The following ERBB4 variants were observed in gnomAD, a reference collection of about 807,000 sequenced individuals.
The protein encoded by ERBB4 is erb-b2 receptor tyrosine kinase 4, also known as receptor tyrosine-protein kinase erbB-4.
A neutral mutation model predicts 158.0 loss-of-function variants in ERBB4; 42 were observed. That is an observed-to-expected ratio of 0.27 (90% confidence interval 0.21 to 0.34). ERBB4 has a LOEUF of 0.34. Ranked by LOEUF, ERBB4 falls within the 10% of genes least tolerant of loss-of-function variation. The pLI is 1.00. For synonymous variants in ERBB4, 583 were observed against 558.7 expected (o/e 1.04, Z -0.61); for missense variants, 1,333 against 1,624.1 (o/e 0.82, Z 3.08).
chr2:211,936,843 CA>C (rs2080337724), intron 3 of ERBB4, among the ~76,000 whole-genome samples: 1 of 151,912 alleles, frequency 6.6e-6, no homozygotes, highest in Admixed American at 6.5e-5. Flanking sequence ...TTTATTATGC[CA>C]AAAAGTGTTG....
intron 3 of ERBB4, among the ~76,000 whole-genome samples, chr2:211,793,172 A>T (rs1394007783): frequency 6.6e-6 from 1 of 151,886 alleles, no homozygotes; most frequent in South Asian, 2.1e-4. Context: ...CAAAATAAAG[A>T]TTATAATTTT....
At chr2:212,450,514 A>T (rs1025705682) in intron 1 of ERBB4, among the ~76,000 whole-genome samples, 1 of 152,206 alleles carries the variant, frequency 6.6e-6, no homozygotes, top group Non-Finnish European at 1.5e-5. Context: ...GATAGGCACC[A>T]GAAGCTGAAA....
At chr2:211,998,529 C>CAAAAAAA (rs36008694) in intron 2 of ERBB4, among the ~76,000 whole-genome samples, 1 of 116,316 alleles carries the variant, frequency 8.6e-6, no homozygotes. Flanking sequence ...CTCATACTGC[C>CAAAAAAA]AAAAAAAAAA....
At chr2:211,861,124 T>TTATATATATATATTTTATATA (rs1229268256) in intron 3 of ERBB4, among the ~76,000 whole-genome samples, 18 of 20,260 alleles carry the variant, frequency 8.9e-4, no homozygotes, top group African/African-American at 2.3e-3. Flanking sequence ...TATATATATT[T>TTATATATATATATTTTATATA]TATATATATA....
chr2:211,832,622 A>AC, intron 3 of ERBB4, among the ~76,000 whole-genome samples: 1 of 150,658 alleles, frequency 6.6e-6, no homozygotes, highest in Non-Finnish European at 1.5e-5. Flanking sequence ...ATATATATAC[A>AC]TATATATACA....
At chr2:212,010,040 C>T (rs2076347856) in intron 2 of ERBB4, among the ~76,000 whole-genome samples, 1 of 152,152 alleles carries the variant, frequency 6.6e-6, no homozygotes. Context: ...GCAAATTTTA[C>T]CAGCTTTGGA....
chr2:212,169,460 G>T (rs930432678), intron 1 of ERBB4, among the ~76,000 whole-genome samples: 3 of 152,126 alleles, frequency 2.0e-5, no homozygotes, highest in African/African-American at 7.2e-5. Flanking sequence ...CTAGCCATAT[G>T]CAGAAAATCG....
At chr2:211,789,681 A>T (rs954154345) in intron 3 of ERBB4, among the ~76,000 whole-genome samples, 1 of 152,116 alleles carries the variant, frequency 6.6e-6, no homozygotes, top group African/African-American at 2.4e-5. Context: ...AAGAAGAGGG[A>T]CATGGATATT....
intron 3 of ERBB4, among the ~76,000 whole-genome samples, chr2:211,807,005 A>G (rs2076633864): frequency 6.6e-6 from 1 of 152,154 alleles, no homozygotes; most frequent in Non-Finnish European, 1.5e-5. Context: ...GTCAAGATTG[A>G]TAATATATTC....
At chr2:212,437,129 G>A (rs76926413) in intron 1 of ERBB4, among the ~76,000 whole-genome samples, 1,721 of 152,112 alleles carry the variant, frequency 0.011, 13 homozygotes, top group Middle Eastern at 0.034. Flanking sequence ...CAAATGTAAG[G>A]TAAAAGAACA....
chr2:211,863,506 C>T (rs1016140317), intron 3 of ERBB4, among the ~76,000 whole-genome samples: 13 of 152,256 alleles, frequency 8.5e-5, no homozygotes, highest in Admixed American at 5.2e-4. Context: ...CAGGGGTCTG[C>T]GGCTTCATTC....
intron 3 of ERBB4, among the ~76,000 whole-genome samples, chr2:211,805,510 A>C (rs1315160902): frequency 6.6e-6 from 1 of 152,210 alleles, no homozygotes; most frequent in Non-Finnish European, 1.5e-5. Context: ...TATTTTACCT[A>C]TGTATTACTT....
chr2:211,824,485 T>A (rs1016142888), intron 3 of ERBB4, among the ~76,000 whole-genome samples: 16 of 152,152 alleles, frequency 1.1e-4, no homozygotes, highest in African/African-American at 3.1e-4. Flanking sequence ...TATAATGTGA[T>A]CTGTCCTGCA....
At position 211,780,728 on chromosome 2, in the gene ERBB4, A is replaced by C. The variant is rs555043820; in HGVS notation, c.556+7297T>G. ...AGTTCTCTTTGCTAATATTTTATTCAGAAAAATTGCATCTGAATTCATAAG... is the reference window on the plus strand; with the variant it reads ...AGTTCTCTTTGCTAATATTTTATTCCGAAAAATTGCATCTGAATTCATAAG... On this transcript the variant is annotated intron_variant, in intron 4 of 27. Coordinates refer to ENST00000342788, the MANE Select transcript of ERBB4 (RefSeq NM_005235.3). 2.6e-5 allele frequency among the ~76,000 whole-genome samples: 4 copies of C among 152,342 alleles called. No homozygotes were observed. In the East Asian group the frequency reaches 7.7e-4, roughly 29 times the overall value.
chr2:212,243,509 G>A (rs2084194050), intron 1 of ERBB4, among the ~76,000 whole-genome samples: 1 of 152,056 alleles, frequency 6.6e-6, no homozygotes, highest in African/African-American at 2.4e-5. Context: ...CAGCATCACT[G>A]CACAAAAGAT....
chr2:211,530,534 T>C (rs1403615713), intron 20 of ERBB4, among the ~76,000 whole-genome samples: 1 of 152,070 alleles, frequency 6.6e-6, no homozygotes, highest in Non-Finnish European at 1.5e-5. Flanking sequence ...AGACCCAGAA[T>C]AGCCATAGCT....
intron 1 of ERBB4, among the ~76,000 whole-genome samples, chr2:212,173,305 A>T (rs1483163814): frequency 2.0e-5 from 3 of 152,136 alleles, no homozygotes; most frequent in African/African-American, 4.8e-5. Context: ...GATAAGGTAT[A>T]CAGGTGACTA....
intron 20 of ERBB4, among the ~76,000 whole-genome samples, chr2:211,536,283 C>A (rs925172519): frequency 6.6e-6 from 1 of 152,094 alleles, no homozygotes; most frequent in African/African-American, 2.4e-5. Context: ...CATTTGTTTA[C>A]CATGTCTGAA....
intron 1 of ERBB4, among the ~76,000 whole-genome samples, chr2:212,240,581 C>G (rs1008371647): frequency 7.6e-6 from 1 of 132,024 alleles, no homozygotes; most frequent in African/African-American, 2.9e-5. Context: ...TGCAGTCAGC[C>G]GAGCCGAGAT....
Sources: allele counts gnomAD v4.1 joint callset (sites outside exome capture counted in the v4.1 genomes callset), GRCh38; gene constraint gnomAD v4.1.1; transcripts MANE v1.5; gene names NCBI Gene and HGNC (gene_info 2026-07-23, HGNC 2026-07-21).